The following IL1RAP variants were observed in gnomAD, a reference collection of about 807,000 sequenced individuals.
IL1RAP encodes the protein interleukin-1 receptor accessory protein.
A neutral mutation model predicts 60.7 loss-of-function variants in IL1RAP; 35 were observed. The observed-to-expected ratio is 0.58, with a 90% confidence interval of 0.44 to 0.76. IL1RAP has a LOEUF of 0.76. Among genes scored for constraint, IL1RAP ranks in the 30% least tolerant of loss-of-function variants. The pLI is 0.00. For missense variants in IL1RAP, 572 were observed against 693.9 expected (o/e 0.82, Z 1.97); for synonymous variants, 268 against 250.9 (o/e 1.07, Z -0.64).
intron 2 of IL1RAP, among the ~76,000 whole-genome samples, chr3:190,559,825 C>T (rs1182316644): frequency 2.6e-5 from 4 of 152,176 alleles, no homozygotes; most frequent in East Asian, 3.9e-4. Flanking sequence ...GAAAAGAATG[C>T]CTTATTTTTT....
intron 4 of IL1RAP, among the ~76,000 whole-genome samples, chr3:190,606,661 A>G (rs1730354495): frequency 6.6e-6 from 1 of 152,122 alleles, no homozygotes; most frequent in East Asian, 1.9e-4. Flanking sequence ...TTATTTATCA[A>G]CTTTCAGATT....
intron 3 of IL1RAP, among the ~76,000 whole-genome samples, chr3:190,597,927 A>G (rs1013824322): frequency 2.0e-5 from 3 of 152,198 alleles, no homozygotes; most frequent in African/African-American, 7.2e-5. Context: ...TTCAGGGTCT[A>G]ACATGACACT....
At chr3:190,598,629 T>C (rs187966197) in intron 3 of IL1RAP, among the ~76,000 whole-genome samples, 2 of 152,270 alleles carry the variant, frequency 1.3e-5, no homozygotes, top group East Asian at 1.9e-4. Flanking sequence ...GCCTTAACTA[T>C]CCTCACTTTT....
chr3:190,533,021 A>G (rs575407293), intron 1 of IL1RAP, among the ~76,000 whole-genome samples: 2 of 152,244 alleles, frequency 1.3e-5, no homozygotes, highest in East Asian at 3.9e-4. Context: ...GGGAACAAAT[A>G]CTTTCAAAAA....
intron 3 of IL1RAP, among the ~76,000 whole-genome samples, chr3:190,577,561 T>C (rs1290637586): frequency 1.3e-5 from 2 of 152,246 alleles, no homozygotes; most frequent in East Asian, 3.9e-4. Flanking sequence ...GCCTTTTCTT[T>C]CCCCCCTGCA....
rs1722401017 is a variant in IL1RAP, at chr3:190,525,138, G to A, written c.-89+10919G>A. Among the ~76,000 whole-genome samples, 3 of 152,228 alleles carry A rather than the reference G, an allele frequency of 2.0e-5. No homozygotes were observed. In the South Asian group the frequency reaches 6.2e-4, roughly 32 times the overall value. On this transcript the variant is annotated intron_variant, in intron 1 of 11. Coordinates refer to ENST00000447382, the MANE Select transcript of IL1RAP (RefSeq NM_002182.4). ...TTGCTATAGTGATAGGAAGAAAGAT[G>A]AAAATATGTACATATGAGTCAAGAG...
chr3:190,586,697 G>A (rs967675443), intron 3 of IL1RAP, among the ~76,000 whole-genome samples: 1 of 152,206 alleles, frequency 6.6e-6, no homozygotes, highest in African/African-American at 2.4e-5. Context: ...TACTTAATAA[G>A]ACAGAGGCAG....
intron 3 of IL1RAP, among the ~76,000 whole-genome samples, chr3:190,587,011 C>T (rs917306101): frequency 1.3e-5 from 2 of 152,310 alleles, no homozygotes; most frequent in East Asian, 1.9e-4. Flanking sequence ...CACCCACTTC[C>T]GTTCTTTTCT....
At chr3:190,655,752 G>GT, downstream of IL1RAP, 1 of 669,444 alleles carries the variant, frequency 1.5e-6, no homozygotes, top group South Asian at 2.0e-5. Flanking sequence ...TTTTTTGACT[G>GT]GGTAAATTAT....
intron 1 of IL1RAP, among the ~76,000 whole-genome samples, chr3:190,550,703 C>T (rs1724789862): frequency 6.6e-6 from 1 of 152,236 alleles, no homozygotes; most frequent in Non-Finnish European, 1.5e-5. Context: ...CCCATTTGCT[C>T]TTTCTGAGCT....
intron 3 of IL1RAP, among the ~76,000 whole-genome samples, chr3:190,584,132 A>G (rs1447892481): frequency 6.6e-6 from 1 of 152,188 alleles, no homozygotes; most frequent in African/African-American, 2.4e-5. Context: ...GATAGATAGA[A>G]TTGTACTGGT....
At chr3:190,573,758 G>A (rs1428834287) in intron 3 of IL1RAP, among the ~76,000 whole-genome samples, 1 of 152,102 alleles carries the variant, frequency 6.6e-6, no homozygotes, top group Non-Finnish European at 1.5e-5. Flanking sequence ...ACCATGTTAA[G>A]CTAAACATGG....
At chr3:190,619,402 T>C (rs1731563089) in intron 5 of IL1RAP, among the ~76,000 whole-genome samples, 1 of 152,184 alleles carries the variant, frequency 6.6e-6, no homozygotes, top group Non-Finnish European at 1.5e-5. Flanking sequence ...GAAGATATTT[T>C]ATTTTTAGTT....
At chr3:190,551,370 A>C (rs1724848300) in intron 1 of IL1RAP, among the ~76,000 whole-genome samples, 6 of 152,254 alleles carry the variant, frequency 3.9e-5, no homozygotes, top group Admixed American at 3.9e-4. Flanking sequence ...AAACGACTAT[A>C]TTGCCGTAAG....
At chr3:190,658,820 G>T (rs1347968647) in exon 12 of IL1RAP, 2 of 152,226 alleles carry the variant, frequency 1.3e-5, no homozygotes, top group Non-Finnish European at 2.9e-5. Context: ...CTACTCCAAA[G>T]ATGGGGGAAC....
At chr3:190,614,964 T>C (rs1267571997) in intron 5 of IL1RAP, among the ~76,000 whole-genome samples, 1 of 152,032 alleles carries the variant, frequency 6.6e-6, no homozygotes, top group African/African-American at 2.4e-5. Flanking sequence ...CAAACTGAGA[T>C]TACAGGAAAC....
At chr3:190,579,824 A>T (rs1201213423) in intron 3 of IL1RAP, among the ~76,000 whole-genome samples, 1 of 152,120 alleles carries the variant, frequency 6.6e-6, no homozygotes, top group African/African-American at 2.4e-5. Context: ...TACAAGTGGG[A>T]TGATATTATA....
intron 9 of IL1RAP, among the ~76,000 whole-genome samples, chr3:190,639,549 C>G (rs959606874): frequency 6.6e-6 from 1 of 152,134 alleles, no homozygotes; most frequent in African/African-American, 2.4e-5. Context: ...ATAGAATACT[C>G]ATTTTTAGGT....
chr3:190,531,213 C>T (rs996406513), intron 1 of IL1RAP, among the ~76,000 whole-genome samples: 6 of 151,920 alleles, frequency 3.9e-5, no homozygotes, highest in African/African-American at 1.5e-4. Context: ...ACTGTGCCAC[C>T]GTACTCTAGC....
Sources: gnomAD v4.1 joint callset for allele counts (sites outside exome capture counted in the v4.1 genomes callset) on GRCh38, gnomAD v4.1.1 for gene constraint, MANE v1.5 for transcripts, NCBI Gene and HGNC (gene_info 2026-07-23, HGNC 2026-07-21) for gene names.